FBXL17: variants seen among roughly 807,000 people sequenced by gnomAD.
FBXL17 encodes F-box/LRR-repeat protein 17.
A neutral mutation model predicts 66.2 loss-of-function variants in FBXL17; 22 were observed. The observed-to-expected ratio is 0.33, with a 90% CI of 0.24 to 0.47. FBXL17 has a LOEUF of 0.47. Among genes scored for constraint, FBXL17 ranks in the 20% least tolerant of loss-of-function variants. FBXL17 has a pLI of 1.00. For missense variants in FBXL17, 878 were observed against 948.2 expected, an observed-to-expected ratio of 0.93 and a Z score of 0.97; for synonymous variants, 474 against 400.5, an observed-to-expected ratio of 1.18 and a Z score of -2.19.
chr5:107,956,893 C>A (rs549982953), intron 7 of FBXL17, among the ~76,000 whole-genome samples: 1 of 152,148 alleles, frequency 6.6e-6, no homozygotes, highest in Non-Finnish European at 1.5e-5. Flanking sequence ...AAGAGAAGCA[C>A]CAAAAAGAAC....
chr5:108,381,441 G>A lies in FBXL17; in HGVS notation c.251C>T (p.Pro84Leu). The change falls in exon 1 of 9, where the codon CCG (proline) becomes CTG (leucine). Residue 84 changes from proline to leucine, a missense_variant. Pro to Leu is a moderately conservative substitution (Grantham distance 98). Transcript: ENST00000542267. ...AGCGTAGGCCCCGTCCCGCGGCGGC[G>A]GCGAGAGCGGCGGCTCCTCCTCTGG... ...AGPEEEPPLSPPPRDGAYAAA... is the reference protein window; with the variant it reads ...AGPEEEPPLSLPPRDGAYAAA... 4 of 1,315,686 alleles carry A rather than the reference G, an allele frequency of 3.0e-6. No homozygotes were observed. Among genetic ancestry groups the A allele is most frequent in the South Asian group, 2.2e-5 (1 of 44,450 alleles). The allele number at this position is 1,315,686 out of a possible 1,614,324, so 81.5% of individuals were successfully genotyped here.
At chr5:108,051,428 T>C (rs1412896256) in intron 6 of FBXL17, among the ~76,000 whole-genome samples, 1 of 152,106 alleles carries the variant, frequency 6.6e-6, no homozygotes, top group Non-Finnish European at 1.5e-5. Context: ...GCAAGGCTGG[T>C]TCAACATATG....
chr5:108,135,179 T>C (rs1290329047), intron 6 of FBXL17, among the ~76,000 whole-genome samples: 3 of 152,108 alleles, frequency 2.0e-5, no homozygotes, highest in Non-Finnish European at 4.4e-5. Flanking sequence ...AGCTGGCCCA[T>C]AGCTTTTATA....
intron 7 of FBXL17, among the ~76,000 whole-genome samples, chr5:107,882,217 T>A (rs1374810139): frequency 6.6e-6 from 1 of 152,184 alleles, no homozygotes; most frequent in African/African-American, 2.4e-5. Flanking sequence ...TCTGTGACAA[T>A]AAAGGTGAAT....
chr5:108,129,170 A>C (rs1750829670), intron 6 of FBXL17, among the ~76,000 whole-genome samples: 1 of 152,138 alleles, frequency 6.6e-6, no homozygotes, highest in Non-Finnish European at 1.5e-5. Flanking sequence ...TTGCATCCTG[A>C]TGGAGCACGT....
At chr5:108,191,362 C>T (rs1753463723) in intron 5 of FBXL17, among the ~76,000 whole-genome samples, 1 of 152,158 alleles carries the variant, frequency 6.6e-6, no homozygotes, top group African/African-American at 2.4e-5. Flanking sequence ...TTTAAATGTA[C>T]TTAATGCCAC....
intron 7 of FBXL17, among the ~76,000 whole-genome samples, chr5:107,989,199 T>C (rs554419878): frequency 2.4e-4 from 37 of 152,218 alleles, no homozygotes; most frequent in African/African-American, 7.7e-4. Context: ...CTGTTAACTA[T>C]AGTTGTCCTA....
At chr5:108,043,999 T>C (rs922627449) in intron 6 of FBXL17, among the ~76,000 whole-genome samples, 17 of 152,250 alleles carry the variant, frequency 1.1e-4, no homozygotes, top group African/African-American at 3.9e-4. Flanking sequence ...CACATGCTCA[T>C]TGCTAGTATA....
chr5:108,204,853 A>G (rs1018771741), intron 5 of FBXL17, among the ~76,000 whole-genome samples: 1 of 152,146 alleles, frequency 6.6e-6, no homozygotes, highest in Non-Finnish European at 1.5e-5. Flanking sequence ...AAACAAAAGT[A>G]TTGAGAAGGT....
At chr5:108,089,658 C>T (rs1234171360) in intron 6 of FBXL17, among the ~76,000 whole-genome samples, 1 of 152,144 alleles carries the variant, frequency 6.6e-6, no homozygotes, top group African/African-American at 2.4e-5. Flanking sequence ...ACGGTAAGTT[C>T]CTAAAAGGGC....
At chr5:107,956,944 C>T (rs1751686061) in intron 7 of FBXL17, among the ~76,000 whole-genome samples, 2 of 152,120 alleles carry the variant, frequency 1.3e-5, no homozygotes, top group Admixed American at 1.3e-4. Flanking sequence ...TTTCTCAGTG[C>T]TCAACTCTAG....
chr5:108,296,191 A>G (rs1000848523), intron 4 of FBXL17, among the ~76,000 whole-genome samples: 25 of 151,810 alleles, frequency 1.6e-4, no homozygotes, highest in African/African-American at 4.3e-4. Context: ...ATAGGGAAGA[A>G]TCAAGGCTGA....
At chr5:107,990,424 T>G (rs1487630651) in intron 7 of FBXL17, among the ~76,000 whole-genome samples, 1 of 152,220 alleles carries the variant, frequency 6.6e-6, no homozygotes, top group Non-Finnish European at 1.5e-5. Context: ...CATTTGATTA[T>G]TAAGTGAATA....
chr5:108,005,412 T>G (rs1225689847), intron 7 of FBXL17, among the ~76,000 whole-genome samples: 3 of 152,172 alleles, frequency 2.0e-5, no homozygotes, highest in African/African-American at 7.2e-5. Context: ...TTAAAAAGCA[T>G]GCTGGGCAGA....
chr5:108,157,165 T>C (rs1752025813), intron 6 of FBXL17, among the ~76,000 whole-genome samples: 1 of 146,414 alleles, frequency 6.8e-6, no homozygotes, highest in South Asian at 2.1e-4. Flanking sequence ...CTCCTATCTA[T>C]GGCACTGAAC....
intron 6 of FBXL17, among the ~76,000 whole-genome samples, chr5:108,083,407 T>C (rs889143068): frequency 6.6e-6 from 1 of 152,006 alleles, no homozygotes; most frequent in Non-Finnish European, 1.5e-5. Flanking sequence ...CATCCCAGAG[T>C]TTGTTTGTTT....
chr5:108,063,197 T>C (rs575026698), intron 6 of FBXL17, among the ~76,000 whole-genome samples: 1 of 152,134 alleles, frequency 6.6e-6, no homozygotes, highest in Non-Finnish European at 1.5e-5. Context: ...TTCCTAAATG[T>C]ACAAAGAGGA....
chr5:107,996,335 G>A (rs1427011380), intron 7 of FBXL17, among the ~76,000 whole-genome samples: 1 of 152,058 alleles, frequency 6.6e-6, no homozygotes, highest in East Asian at 1.9e-4. Flanking sequence ...GTTTGTTGGA[G>A]ACCGAGTCTC....
At chr5:107,908,500 T>A (rs1749836225) in intron 7 of FBXL17, among the ~76,000 whole-genome samples, 1 of 152,154 alleles carries the variant, frequency 6.6e-6, no homozygotes, top group South Asian at 2.1e-4. Flanking sequence ...AAGTCTGAGC[T>A]CATCTGAGAA....
Sources: allele counts gnomAD v4.1 joint callset (sites outside exome capture counted in the v4.1 genomes callset), GRCh38; gene constraint gnomAD v4.1.1; transcripts MANE v1.5; gene names NCBI Gene and HGNC (gene_info 2026-07-23, HGNC 2026-07-21).